SSH2: variants seen among roughly 807,000 people sequenced by gnomAD.
SSH2 encodes protein phosphatase Slingshot homolog 2.
A neutral mutation model predicts 135.2 loss-of-function variants in SSH2; 37 were observed. That is an observed-to-expected ratio of 0.27 (90% CI 0.21 to 0.36). The LOEUF (loss-of-function observed/expected upper bound fraction) is 0.36. SSH2 is among the 10% of genes least tolerant of loss of function. The probability of loss-of-function intolerance (pLI) is 1.00; values close to 1 mark genes in which losing one functional copy is unlikely to be tolerated. For missense variants in SSH2, 1,408 were observed against 1,765.3 expected, an observed-to-expected ratio of 0.80 and a Z score of 3.63; for synonymous variants, 628 against 646.2, an observed-to-expected ratio of 0.97 and a Z score of 0.43.
intron 5 of SSH2, among the ~76,000 whole-genome samples, chr17:29,690,551 T>C (rs1224249323): frequency 2.0e-5 from 3 of 152,020 alleles, no homozygotes; most frequent in Admixed American, 2.0e-4. Context: ...AGACAGGCAG[T>C]TCACCCAATC....
chr17:29,708,954 T>C (rs562839847), intron 3 of SSH2, among the ~76,000 whole-genome samples: 2 of 145,896 alleles, frequency 1.4e-5, no homozygotes, highest in Admixed American at 7.0e-5. Context: ...TTGCCATAGA[T>C]TGCTTGCTCA....
chr17:29,720,402 T>C (rs1321839877), intron 3 of SSH2, among the ~76,000 whole-genome samples: 1 of 152,230 alleles, frequency 6.6e-6, no homozygotes, highest in Admixed American at 6.5e-5. Context: ...TTTTCTACCT[T>C]ACTAGGCTGA....
chr17:29,825,413 T>G (rs2042726430), intron 2 of SSH2, among the ~76,000 whole-genome samples: 1 of 152,192 alleles, frequency 6.6e-6, no homozygotes, highest in Non-Finnish European at 1.5e-5. Context: ...GTAAAAAAAT[T>G]TAATACATTG....
In SSH2 at chr17:29,637,074, C is replaced by T. The variant is rs1195401594; in HGVS notation, c.1428-272G>A. ...GTTGATGATGGTATGGCTAAACAAG[C>T]CCTCTCATATACTGGTAGGAGGAAT... is the stretch of plus-strand genomic sequence containing the variant. On this transcript the variant is annotated intron_variant, in intron 14 of 15. Transcript: ENST00000540801. 5.3e-5 allele frequency among the ~76,000 whole-genome samples: 8 copies of T among 152,060 alleles called. No homozygotes were observed. The South Asian group carries it at 1.5e-3, about 28-fold the overall frequency.
intron 3 of SSH2, among the ~76,000 whole-genome samples, chr17:29,784,023 G>T (rs1358471805): frequency 1.9e-5 from 2 of 105,298 alleles, no homozygotes; most frequent in Admixed American, 1.3e-4. Flanking sequence ...CCGAGATCCC[G>T]CCACTGCACT....
chr17:29,729,066 C>A (rs902211604), intron 3 of SSH2, among the ~76,000 whole-genome samples: 1 of 152,118 alleles, frequency 6.6e-6, no homozygotes, highest in African/African-American at 2.4e-5. Context: ...AGTTAAAAAG[C>A]CTCTGCACAG....
chr17:29,634,097 A>G (rs1157782780), intron 15 of SSH2, among the ~76,000 whole-genome samples: 2 of 152,216 alleles, frequency 1.3e-5, no homozygotes, highest in Non-Finnish European at 2.9e-5. Flanking sequence ...GCTACAGTCA[A>G]TGGTCCAAAG....
At chr17:29,645,448 A>T (rs1437023372) in intron 14 of SSH2, 1 of 152,072 alleles carries the variant, frequency 6.6e-6, no homozygotes, top group Non-Finnish European at 1.5e-5. Context: ...CTCATCTAAG[A>T]TTTTTCTGAA....
chr17:29,791,538 T>C (rs1427506374), intron 3 of SSH2, among the ~76,000 whole-genome samples: 1 of 152,220 alleles, frequency 6.6e-6, no homozygotes, highest in Non-Finnish European at 1.5e-5. Flanking sequence ...AATGAAATGA[T>C]TCAATGCTGG....
At position 29,696,672 on chromosome 17, in the gene SSH2, C is replaced by CGTGTGT. The variant is rs60502729; in HGVS notation, c.293-1155_293-1150dup. 1.2e-3 allele frequency among the ~76,000 whole-genome samples: 164 copies of CGTGTGT among 137,532 alleles called. 2 individuals carry two copies. Among genetic ancestry groups the CGTGTGT allele is most frequent in the African/African-American group, 4.2e-3 (157 of 36,960 alleles). The allele number at this position is 137,532 out of a possible 152,430, so 90.2% of individuals were successfully genotyped here. On this transcript the variant is annotated intron_variant, in intron 4 of 15. Coordinates refer to ENST00000540801, the MANE Select transcript of SSH2 (RefSeq NM_001282129.2). ...ACCTATGTATGTATATATATACGTA[C>CGTGTGT]GTGTGTGTGTGTGTGTGTGTGTGTA...
chr17:29,861,988 C>T (rs767204060), intron 1 of SSH2, among the ~76,000 whole-genome samples: 1 of 152,176 alleles, frequency 6.6e-6, no homozygotes, highest in Non-Finnish European at 1.5e-5. Flanking sequence ...ATACTTTGCA[C>T]ATAAAGAGGA....
chr17:29,843,356 G>A (rs563519680), intron 2 of SSH2, among the ~76,000 whole-genome samples: 36 of 152,150 alleles, frequency 2.4e-4, no homozygotes, highest in African/African-American at 7.7e-4. Context: ...CCAATATGGC[G>A]AAACCCCATC....
chr17:29,649,798 A>T (rs765410306), intron 13 of SSH2, among the ~76,000 whole-genome samples: 20 of 152,326 alleles, frequency 1.3e-4, no homozygotes, highest in Non-Finnish European at 2.1e-4. Flanking sequence ...AGAATTCAAA[A>T]ATATAAAACA....
intron 3 of SSH2, among the ~76,000 whole-genome samples, chr17:29,771,193 A>G (rs1278611077): frequency 6.6e-6 from 1 of 152,172 alleles, no homozygotes; most frequent in Non-Finnish European, 1.5e-5. Flanking sequence ...TCTGTCCTCT[A>G]TTTTGTGGCA....
chr17:29,668,699 T>C (rs769907647), intron 9 of SSH2, among the ~76,000 whole-genome samples: 2 of 152,048 alleles, frequency 1.3e-5, no homozygotes, highest in Non-Finnish European at 2.9e-5. Context: ...ATTGTACCAC[T>C]GCACTCCAGC....
rs1366177954 is a variant in SSH2 at position 29,629,415 on chromosome 17, C to G, written c.*1426G>C. On this transcript the variant is annotated 3_prime_UTR_variant, in exon 16 of 16. Coordinates refer to ENST00000540801, the MANE Select transcript of SSH2 (RefSeq NM_001282129.2). ...CAGTCACGCTGTGACCTAATGGGAG[C>G]CTTTAGGGGTGTCTCTGAGGAAAAA... 1 of 152,630 alleles carries G rather than the reference C, an allele frequency of 6.6e-6. No individual in the cohort carries two copies. The highest frequency in any genetic ancestry group is 2.1e-4 in the South Asian group (1 of 4,828). The allele number at this position is 152,630 out of a possible 1,614,324, so 9.5% of individuals were successfully genotyped here.
At chr17:29,764,953 T>TA (rs761772825) in intron 3 of SSH2, among the ~76,000 whole-genome samples, 10 of 152,192 alleles carry the variant, frequency 6.6e-5, no homozygotes, top group Admixed American at 2.6e-4. Context: ...AAGGATGTAG[T>TA]AAATATGTTT....
chr17:29,729,751 G>C (rs923818936), intron 3 of SSH2, among the ~76,000 whole-genome samples: 2 of 151,982 alleles, frequency 1.3e-5, no homozygotes, highest in Non-Finnish European at 2.9e-5. Context: ...ATGGACTGGA[G>C]GTCATTATGT....
chr17:29,803,845 A>G (rs1228054719), intron 2 of SSH2, among the ~76,000 whole-genome samples: 2 of 152,198 alleles, frequency 1.3e-5, no homozygotes, highest in African/African-American at 2.4e-5. Context: ...ATATTTTTAC[A>G]GGTTAATGTC....
Sources: gnomAD v4.1 joint callset for allele counts (sites outside exome capture counted in the v4.1 genomes callset) on GRCh38, gnomAD v4.1.1 for gene constraint, MANE v1.5 for transcripts, NCBI Gene and HGNC (gene_info 2026-07-23, HGNC 2026-07-21) for gene names.